The following CHD9 variants were observed in gnomAD, a reference collection of about 807,000 sequenced individuals.
CHD9 encodes the protein ATP-dependent chromatin remodeler CHD9.
A neutral mutation model predicts 316.1 loss-of-function variants in CHD9; 77 were observed. The ratio of observed to expected loss-of-function variants is 0.24; its 90% confidence interval spans 0.20 to 0.29. The LOEUF (loss-of-function observed/expected upper bound fraction) is 0.29, where lower values mean the gene tolerates loss of function less well. Among genes scored for constraint, CHD9 ranks in the 10% least tolerant of loss-of-function variants. The probability of loss-of-function intolerance (pLI) is 1.00; values close to 1 mark genes in which losing one functional copy is unlikely to be tolerated. For synonymous variants in CHD9, 1,129 were observed against 1,158.3 expected (o/e 0.97, Z 0.51); for missense variants, 2,763 against 3,438.1 (o/e 0.80, Z 4.91).
rs765888157 is a variant in CHD9, at chr16:53,156,729, C to T, written c.640C>T (p.Pro214Ser). ...ACATAGAGTCAATGTTAACCACCCA[C>T]CACAGATGACTAATGCATCTAATTC... ...GPHRVNVNHP[P>S]QMTNASNSQQ... The change falls in exon 2 of 39, where the codon CCA becomes TCA. Residue 214 changes from proline to serine, a missense_variant. Physicochemically the swap from Pro to Ser is moderately conservative, Grantham distance 74 (BLOSUM62 -1). This residue lies in a region of CHD9 where 859 missense variants were observed against 890.4 expected (regional missense o/e 0.96). Transcript: ENST00000447540. 19 of 1,613,818 alleles carry T rather than the reference C, an allele frequency of 1.2e-5. No individual in the cohort carries two copies. The Admixed American group carries it at 2.8e-4, about 24-fold the overall frequency.
chr16:53,060,919 T>C (rs1044145013), intron 1 of CHD9, among the ~76,000 whole-genome samples: 4 of 142,094 alleles, frequency 2.8e-5, no homozygotes, highest in Non-Finnish European at 6.2e-5. Context: ...AGATGTTGTC[T>C]CTTTTTTTTT....
Position 53,103,607 on chromosome 16 carries a change from G to C in CHD9, c.-165+48530G>C, listed in dbSNP as rs141679423. 2.8e-4 allele frequency among the ~76,000 whole-genome samples: 42 copies of C among 152,332 alleles called. 2 individuals are homozygous for C. In the East Asian group the frequency reaches 6.4e-3, roughly 23 times the overall value. ...AGCAAACTGAGGTTCTGAATGGCTA[G>C]AAGAATTGCCCTAAGTCCTCTAGCA... On this transcript the variant is annotated intron_variant, in intron 1 of 38. Transcript: ENST00000447540.
At chr16:53,233,301 T>G (rs1331356018) in intron 10 of CHD9, among the ~76,000 whole-genome samples, 2 of 152,168 alleles carry the variant, frequency 1.3e-5, no homozygotes, top group African/African-American at 2.4e-5. Flanking sequence ...TTTACCGGTT[T>G]ATTCCTAAGG....
chr16:53,262,623 G>C (rs1242815116), intron 19 of CHD9, among the ~76,000 whole-genome samples: 2 of 152,110 alleles, frequency 1.3e-5, no homozygotes, highest in Admixed American at 6.5e-5. Context: ...TAACTCTGTA[G>C]TGCAGGCAGG....
At chr16:53,280,950 AAC>A (rs2053357132) in intron 24 of CHD9, among the ~76,000 whole-genome samples, 1 of 152,010 alleles carries the variant, frequency 6.6e-6, no homozygotes, top group Non-Finnish European at 1.5e-5. Context: ...CATTTATGCT[AAC>A]TATACCCATC....
intron 18 of CHD9, 56 bp from the exon 19 acceptor site, chr16:53,255,544 T>C (rs781625636): frequency 2.7e-6 from 4 of 1,509,288 alleles, no homozygotes; most frequent in Non-Finnish European, 3.6e-6. Context: ...AGGGATACTT[T>C]CTCACTTTAT....
intron 3 of CHD9, among the ~76,000 whole-genome samples, chr16:53,211,001 T>G (rs180909610): frequency 6.6e-6 from 1 of 152,224 alleles, no homozygotes; most frequent in East Asian, 1.9e-4. Context: ...TAACTTATTT[T>G]TCCAAAGCTC....
intron 2 of CHD9, among the ~76,000 whole-genome samples, chr16:53,158,992 G>A (rs2041722238): frequency 6.6e-6 from 1 of 151,934 alleles, no homozygotes; most frequent in South Asian, 2.1e-4. Flanking sequence ...ATATGTATAT[G>A]GGCCAGTTAT....
intron 12 of CHD9, among the ~76,000 whole-genome samples, chr16:53,241,880 C>T (rs925444100): frequency 1.4e-4 from 21 of 152,206 alleles, no homozygotes; most frequent in Non-Finnish European, 8.8e-5. Flanking sequence ...AATCAGGACA[C>T]TTCTTACAAA....
At chr16:53,084,040 C>T (rs1040640145) in intron 1 of CHD9, among the ~76,000 whole-genome samples, 4 of 151,968 alleles carry the variant, frequency 2.6e-5, no homozygotes, top group African/African-American at 7.3e-5. Flanking sequence ...GTGAGCCACC[C>T]GCACCCAGCC....
intron 2 of CHD9, among the ~76,000 whole-genome samples, chr16:53,199,967 G>A (rs922796110): frequency 6.6e-6 from 1 of 152,172 alleles, no homozygotes; most frequent in African/African-American, 2.4e-5. Flanking sequence ...CTGGCACGGT[G>A]GCTCATGCCT....
intron 30 of CHD9, among the ~76,000 whole-genome samples, chr16:53,303,047 C>A (rs1348818895): frequency 6.6e-6 from 1 of 152,162 alleles, no homozygotes; most frequent in Non-Finnish European, 1.5e-5. Flanking sequence ...GTCCTCTTAC[C>A]TTTTGCAGTT....
At position 53,304,105 on chromosome 16, in the gene CHD9, G is replaced by A. The variant is rs2055698954; in HGVS notation, c.6099G>A (p.Arg2033=). The part of the protein sequence containing the change: ...LSASPLTSLP[R]LLDAKGIILE... ...CTTCTCCTCTTACCTCTCTACCTAG[G>A]CTCCTAGATGCTAAAGGTATTATTC... Residue 2033 remains arginine, a synonymous_variant, in exon 31 of 39, where the codon AGG becomes AGA. Coordinates refer to ENST00000447540, the MANE Select transcript of CHD9 (RefSeq NM_001308319.2). 1.2e-6 allele frequency: 2 copies of A among 1,613,824 alleles called. No homozygotes were observed. Among genetic ancestry groups the A allele is most frequent in the Non-Finnish European group, 1.7e-6 (2 of 1,179,842 alleles).
chr16:53,230,645 T>G (rs1440367139), intron 8 of CHD9, among the ~76,000 whole-genome samples: 1 of 152,056 alleles, frequency 6.6e-6, no homozygotes, highest in Non-Finnish European at 1.5e-5. Flanking sequence ...GTGAAGAATT[T>G]TAAGTAAAGG....
At chr16:53,147,411 G>A (rs1240970494) in intron 1 of CHD9, among the ~76,000 whole-genome samples, 1 of 152,180 alleles carries the variant, frequency 6.6e-6, no homozygotes, top group East Asian at 1.9e-4. Context: ...CAGCGCAGTG[G>A]CATCAACATC....
chr16:53,128,206 G>T (rs918376065), intron 1 of CHD9, among the ~76,000 whole-genome samples: 1 of 151,774 alleles, frequency 6.6e-6, no homozygotes, highest in Non-Finnish European at 1.5e-5. Flanking sequence ...CTTTTAAGAC[G>T]GAGTCTCGTT....
At chr16:53,318,990 C>T (rs2057077756) in intron 37 of CHD9, among the ~76,000 whole-genome samples, 1 of 152,176 alleles carries the variant, frequency 6.6e-6, no homozygotes, top group African/African-American at 2.4e-5. Flanking sequence ...TAGACTAATG[C>T]CACCTTTGTG....
intron 1 of CHD9, among the ~76,000 whole-genome samples, chr16:53,092,196 A>C (rs2036002458): frequency 6.6e-6 from 1 of 152,194 alleles, no homozygotes; most frequent in Non-Finnish European, 1.5e-5. Context: ...TAAATCAGCC[A>C]AGCCCTGGAG....
At chr16:53,220,630 A>G (rs1013031206) in intron 3 of CHD9, among the ~76,000 whole-genome samples, 3 of 152,168 alleles carry the variant, frequency 2.0e-5, no homozygotes, top group Non-Finnish European at 4.4e-5. Context: ...CTCACTGCCT[A>G]TTCATTAAAC....
Sources: allele counts gnomAD v4.1 joint callset (sites outside exome capture counted in the v4.1 genomes callset), GRCh38; gene constraint gnomAD v4.1.1; regional missense constraint gnomAD v4.1.1; transcripts MANE v1.5; gene names NCBI Gene and HGNC (gene_info 2026-07-23, HGNC 2026-07-21).